Variants in METTL13 observed in about 807,000 individuals in gnomAD.
The protein encoded by METTL13 is eEF1A lysine and N-terminal methyltransferase.
In METTL13, 52 loss-of-function variants were observed where a neutral mutation model predicts 67.4. The observed-to-expected ratio is 0.77, with a 90% CI of 0.62 to 0.97. The LOEUF is 0.97. Ranked by LOEUF, METTL13 falls within the 50% of genes least tolerant of loss-of-function variation. METTL13 has a pLI of 0.00. For synonymous variants in METTL13, 354 were observed against 353.6 expected (o/e 1.00, Z -0.01); for missense variants, 825 against 889.6 (o/e 0.93, Z 0.92).
In METTL13 at chr1:171,796,764, G is replaced by A. The variant is rs904665989; in HGVS notation, c.*8G>A. On this transcript the variant is annotated 3_prime_UTR_variant, in exon 8 of 8. Transcript: ENST00000361735. Reference sequence around the variant, plus strand: ...ACGGTGAAAATTGTGTGACTGCTTAGGCCAAGCAGCCCTCCTGCCTAGACT... The same window carrying A: ...ACGGTGAAAATTGTGTGACTGCTTAAGCCAAGCAGCCCTCCTGCCTAGACT... The A allele has an allele frequency of 6.2e-7, 1 of 1,612,626 alleles. No homozygotes were observed.
At chr1:171,792,486 C>A (rs1657241021) in intron 6 of METTL13, among the ~76,000 whole-genome samples, 1 of 152,184 alleles carries the variant, frequency 6.6e-6, no homozygotes, top group African/African-American at 2.4e-5. Context: ...GACCAGTGGG[C>A]TTTTTTCTGA....
chr1:171,787,788 A>G lies in METTL13; in HGVS notation c.1167A>G (p.Gln389=), dbSNP rs1481054497. 6.2e-7 allele frequency: 1 copy of G among 1,614,178 alleles called. No homozygotes were observed. The highest frequency in any genetic ancestry group is 8.5e-7 in the Non-Finnish European group (1 of 1,180,028). Residue 389 remains glutamine, a synonymous_variant, in exon 4 of 8, where the codon CAA becomes CAG. Transcript: ENST00000361735. ...TTGGGGTCCGGACCGTTCAGCACCA[A>G]GACTGCAGCCCCTTGAGCGGTGACT... The part of the protein sequence containing the change: ...GDIGVRTVQH[Q]DCSPLSGDYV...
chr1:171,787,234 A>G (rs1487026792), intron 3 of METTL13, among the ~76,000 whole-genome samples: 1 of 152,080 alleles, frequency 6.6e-6, no homozygotes, highest in Non-Finnish European at 1.5e-5. Flanking sequence ...TTTAGGGGGA[A>G]AGTATATTTT....
At chr1:171,793,207 C>T (rs566893820) in intron 6 of METTL13, among the ~76,000 whole-genome samples, 2 of 152,190 alleles carry the variant, frequency 1.3e-5, no homozygotes, top group African/African-American at 4.8e-5. Context: ...AAGTATTGAA[C>T]AGATGCTATC....
In METTL13 at chr1:171,796,888, C is replaced by T. The variant is rs1459934091; in HGVS notation, c.*132C>T. The T allele has an allele frequency of 2.5e-6, 3 of 1,220,852 alleles. No individual in the cohort carries two copies. The highest frequency in any genetic ancestry group is 3.4e-6 in the Non-Finnish European group (3 of 889,234). The allele number at this position is 1,220,852 out of a possible 1,614,324, so 75.6% of individuals were successfully genotyped here. ...TGGTTTCACACTCAGCTACATGTGACCTCCAGCTTGGTGAGGTTGCCTGAA... is the reference window on the plus strand; with the variant it reads ...TGGTTTCACACTCAGCTACATGTGATCTCCAGCTTGGTGAGGTTGCCTGAA... On this transcript the variant is annotated 3_prime_UTR_variant, in exon 8 of 8. Coordinates refer to ENST00000361735, the MANE Select transcript of METTL13 (RefSeq NM_015935.5).
rs901363372 is a variant in METTL13 at position 171,796,780 on chromosome 1, T to C, written c.*24T>C. 2.5e-6 allele frequency: 4 copies of C among 1,605,244 alleles called. No individual in the cohort carries two copies. Among genetic ancestry groups the C allele is most frequent in the Non-Finnish European group, 2.6e-6 (3 of 1,174,530 alleles). On this transcript the variant is annotated 3_prime_UTR_variant, in exon 8 of 8. Coordinates refer to ENST00000361735, the MANE Select transcript of METTL13 (RefSeq NM_015935.5). Reference sequence around the variant, plus strand: ...GACTGCTTAGGCCAAGCAGCCCTCCTGCCTAGACTGACCTTGGACTCCCAG... The same window carrying C: ...GACTGCTTAGGCCAAGCAGCCCTCCCGCCTAGACTGACCTTGGACTCCCAG...
Position 171,784,019 on chromosome 1 carries a change from G to A in METTL13, c.433G>A (p.Glu145Lys). 6.2e-7 allele frequency: 1 copy of A among 1,614,258 alleles called. No individual in the cohort carries two copies. The change falls in exon 2 of 8, where the codon GAG (glutamate) becomes AAG (lysine). Residue 145 changes from glutamate to lysine, a missense_variant. By Grantham distance (56) the Glu-to-Lys change is moderately conservative. Coordinates refer to ENST00000361735, the MANE Select transcript of METTL13 (RefSeq NM_015935.5). ...ACAACAGGTGGACAGGATGCTGGCT[G>A]AGGTTGGCCGTGTCCTGCAGGTGGG... is the stretch of plus-strand genomic sequence containing the variant. ...TLQQVDRMLA[E>K]VGRVLQVGGR... is the part of the protein sequence containing the mutation.
chr1:171,786,210 G>A, intron 3 of METTL13, 132 bp downstream of exon 3: 2 of 997,232 alleles, frequency 2.0e-6, no homozygotes, highest in Non-Finnish European at 1.4e-6. Context: ...GGTATCAGCA[G>A]CTAAGGGTTA....
Position 171,796,484 on chromosome 1 carries a change from G to A in METTL13, c.1828G>A (p.Val610Ile), listed in dbSNP as rs746128208. 1.2e-6 allele frequency: 2 copies of A among 1,614,164 alleles called. No homozygotes were observed. Among genetic ancestry groups the A allele is most frequent in the Non-Finnish European group, 1.7e-6 (2 of 1,180,020 alleles). ...KVKSILTPEG[V>I]FILNLVCRDL... ...TGACTTTTCTTCCTACCCTATAGGT[G>A]TTTTTATTCTCAACCTTGTGTGCCG... The change falls in exon 8 of 8, where the codon GTT becomes ATT. Residue 610 changes from valine (V) to isoleucine (I), a missense_variant and splice_region_variant. Val to Ile is a conservative substitution (Grantham distance 29, BLOSUM62 3). Coordinates refer to ENST00000361735, the MANE Select transcript of METTL13 (RefSeq NM_015935.5).
rs760086074 is a variant in METTL13, at chr1:171,794,448, A to T, written c.1746A>T (p.Thr582=). The T allele has an allele frequency of 1.1e-5, 18 of 1,614,096 alleles. No individual in the cohort carries two copies. Among genetic ancestry groups the T allele is most frequent in the Non-Finnish European group, 3.4e-6 (4 of 1,180,044 alleles). The change falls in exon 7 of 8, where the codon ACA becomes ACT. Residue 582 remains threonine, a synonymous_variant. Coordinates refer to ENST00000361735, the MANE Select transcript of METTL13 (RefSeq NM_015935.5). ...TTGATGTTGACAGTAAGGACCCAACACTGGGAATGAGTTGTCCGCCCCCAG... is the reference window on the plus strand; with the variant it reads ...TTGATGTTGACAGTAAGGACCCAACTCTGGGAATGAGTTGTCCGCCCCCAG... ...IMFDVDSKDP[T]LGMSCPPPAF...
rs750027664 is a variant in METTL13, at chr1:171,782,049, G to A, written c.82G>A (p.Ala28Thr). ...EKFFQQRGKK[A>T]FEWYGTYLEL... ...GTTCTTCCAGCAGCGAGGAAAGAAA[G>A]CTTTCGAGTGGTATGGAACCTACCT... Residue 28 changes from alanine (A) to threonine (T), a missense_variant, in exon 1 of 8, where the codon GCT (alanine) becomes ACT (threonine). Physicochemically the swap from Ala to Thr is moderately conservative, Grantham distance 58. Coordinates refer to ENST00000361735, the MANE Select transcript of METTL13 (RefSeq NM_015935.5). 1 of 1,614,132 alleles carries A rather than the reference G, an allele frequency of 6.2e-7. No homozygotes were observed. Among genetic ancestry groups the A allele is most frequent in the Non-Finnish European group, 8.5e-7 (1 of 1,180,018 alleles).
At chr1:171,789,978 A>G (rs146015399) in intron 4 of METTL13, among the ~76,000 whole-genome samples, 68 of 152,284 alleles carry the variant, frequency 4.5e-4, no homozygotes, top group Non-Finnish European at 9.3e-4. Flanking sequence ...AAAGACTTTT[A>G]TTTTGGCTTA....
chr1:171,784,278 G>T lies in METTL13; in HGVS notation c.692G>T (p.Arg231Leu). Reference protein sequence around the residue: ...QIFELCAQEQRKPVRLESAER... With the variant: ...QIFELCAQEQLKPVRLESAER... The stretch of plus-strand genomic sequence containing the variant: ...TTTGAGCTGTGTGCTCAGGAGCAGC[G>T]CAAGCCTGTGCGGCTGGAGAGTGCC... The change falls in exon 2 of 8, where the codon CGC becomes CTC. Residue 231 changes from arginine (R) to leucine (L), a missense_variant. Coordinates refer to ENST00000361735, the MANE Select transcript of METTL13 (RefSeq NM_015935.5). 2 of 1,613,084 alleles carry T rather than the reference G, an allele frequency of 1.2e-6. No homozygotes were observed. Among genetic ancestry groups the T allele is most frequent in the South Asian group, 1.1e-5 (1 of 91,038 alleles).
At chr1:171,786,200 G>T in intron 3 of METTL13, 122 bp downstream of exon 3, 1 of 1,078,520 alleles carries the variant, frequency 9.3e-7, no homozygotes, top group Non-Finnish European at 1.3e-6. Context: ...ATCCTGGAGG[G>T]GTATCAGCAG....
chr1:171,793,684 G>A (rs1174531671), intron 6 of METTL13, among the ~76,000 whole-genome samples: 2 of 152,218 alleles, frequency 1.3e-5, no homozygotes, highest in Non-Finnish European at 2.9e-5. Flanking sequence ...TAACATTATA[G>A]TAAGGAGCAG....
intron 3 of METTL13, 43 bp downstream of exon 3, chr1:171,786,121 T>C (rs1368916004): frequency 1.3e-6 from 2 of 1,570,558 alleles, no homozygotes; most frequent in Non-Finnish European, 1.7e-6. Context: ...TCTGAAGTCA[T>C]GTTAGCAGCC....
At chr1:171,787,385 G>A (rs1657053168) in intron 3 of METTL13, among the ~76,000 whole-genome samples, 1 of 150,796 alleles carries the variant, frequency 6.6e-6, no homozygotes, top group Non-Finnish European at 1.5e-5. Flanking sequence ...CATAATCACA[G>A]CCCCTTCCTG....
In METTL13 at chr1:171,784,231, C is replaced by T; in HGVS notation, c.645C>T (p.Val215=). The T allele has an allele frequency of 1.2e-6, 2 of 1,614,090 alleles. No individual in the cohort carries two copies. The highest frequency in any genetic ancestry group is 1.7e-6 in the Non-Finnish European group (2 of 1,180,046). Residue 215 remains valine (V), a synonymous_variant, in exon 2 of 8, where the codon GTC becomes GTT. Coordinates refer to ENST00000361735, the MANE Select transcript of METTL13 (RefSeq NM_015935.5). ...FAFIMTKFRP[V]PGSALQIFEL... Reference sequence around the variant, plus strand: ...TCATCATGACCAAGTTCAGGCCAGTCCCTGGCTCTGCCCTTCAGATCTTTG... The same window carrying T: ...TCATCATGACCAAGTTCAGGCCAGTTCCTGGCTCTGCCCTTCAGATCTTTG...
Position 171,796,837 on chromosome 1 carries a change from G to A in METTL13, c.*81G>A. ...AGAGAATGAAGAAATACAACGCACA[G>A]TACTTTTGAAGCTTCGTATTTTTCT... is the stretch of plus-strand genomic sequence containing the variant. On this transcript the variant is annotated 3_prime_UTR_variant, in exon 8 of 8. Coordinates refer to ENST00000361735, the MANE Select transcript of METTL13 (RefSeq NM_015935.5). 3 of 1,517,146 alleles carry A rather than the reference G, an allele frequency of 2.0e-6. No individual in the cohort carries two copies. The highest frequency in any genetic ancestry group is 1.8e-6 in the Non-Finnish European group (2 of 1,129,230). The allele number at this position is 1,517,146 out of a possible 1,614,324, so 94.0% of individuals were successfully genotyped here. A position where few individuals can be genotyped will look rare whatever the true frequency, so the allele number is the denominator to read the frequency against.
Sources: allele counts gnomAD v4.1 joint callset (sites outside exome capture counted in the v4.1 genomes callset), GRCh38; gene constraint gnomAD v4.1.1; transcripts MANE v1.5; gene names NCBI Gene and HGNC (gene_info 2026-07-23, HGNC 2026-07-21).